Variants in GPHN observed in about 807,000 individuals in gnomAD.
GPHN encodes gephyrin.
Under a neutral mutation model 95.5 loss-of-function variants are expected in GPHN, and 17 were observed. The ratio of observed to expected loss-of-function variants is 0.18; its 90% confidence interval spans 0.12 to 0.27. GPHN has a LOEUF of 0.27. GPHN is among the 10% of genes least tolerant of loss of function. The pLI is 1.00. For synonymous variants in GPHN, 320 were observed against 322.5 expected (o/e 0.99, Z 0.08); for missense variants, 660 against 978.1 (o/e 0.67, Z 4.34).
chr14:67,123,707 T>C (rs2079135113), intron 17 of GPHN, among the ~76,000 whole-genome samples: 1 of 152,224 alleles, frequency 6.6e-6, no homozygotes, highest in Non-Finnish European at 1.5e-5. Context: ...ATTAAGCTTC[T>C]CCAACCCGTG....
chr14:66,681,046 A>G (rs1360476258), intron 1 of GPHN, 61 bp from the exon 2 acceptor site: 4 of 967,374 alleles, frequency 4.1e-6, no homozygotes, highest in Non-Finnish European at 5.0e-6. Flanking sequence ...TTGGTCAGCA[A>G]TAGCTTAAAT....
At chr14:67,165,291 C>A in intron 20 of GPHN, 65 bp downstream of exon 20, 1 of 980,522 alleles carries the variant, frequency 1.0e-6, no homozygotes, top group Non-Finnish European at 1.6e-6. Flanking sequence ...TTGGACTTCT[C>A]ATGTGACCAC....
rs550673372 is a variant in GPHN at position 66,610,199 on chromosome 14, GAAT to G, written c.65-70906_65-70904del. Among the ~76,000 whole-genome samples the G allele has an allele frequency of 5.0e-3, 754 of 152,242 alleles. 7 individuals carry two copies. The highest frequency in any genetic ancestry group is 0.031 in the Middle Eastern group (9 of 294). On this transcript the variant is annotated intron_variant, in intron 1 of 22. Transcript: ENST00000478722. Reference sequence around the variant, plus strand: ...GTTTCACAGATGATGTATATTGGCAGAATATTTTTGGTGTTGTAATTTGGTCTG... The same window carrying G: ...GTTTCACAGATGATGTATATTGGCAGATTTTTGGTGTTGTAATTTGGTCTG...
chr14:66,709,578 A>C (rs1289354216), intron 2 of GPHN: 2 of 332,830 alleles, frequency 6.0e-6, no homozygotes, highest in Non-Finnish European at 6.1e-6. Flanking sequence ...TCAGACTGGC[A>C]CATAATTTAA....
the GPHN span, among the ~76,000 whole-genome samples, chr14:67,546,575 A>G: frequency 1.3e-5 from 2 of 152,148 alleles, no homozygotes; most frequent in African/African-American, 4.8e-5. Flanking sequence ...TTTTTGGTAG[A>G]GATGGAGTTT....
intron 1 of GPHN, among the ~76,000 whole-genome samples, chr14:66,517,394 A>G (rs1011518297): frequency 6.6e-5 from 10 of 152,194 alleles, no homozygotes; most frequent in Admixed American, 6.5e-5. Context: ...AGTCCTATCA[A>G]TGACATTCTA....
the GPHN span, among the ~76,000 whole-genome samples, chr14:67,381,182 G>A: frequency 6.6e-6 from 1 of 152,106 alleles, no homozygotes; most frequent in Non-Finnish European, 1.5e-5. Flanking sequence ...GCTGGGTAAT[G>A]TTTCATAGAA....
chr14:67,661,276 A>T, the GPHN span, among the ~76,000 whole-genome samples: 1 of 92,370 alleles, frequency 1.1e-5, no homozygotes, highest in Non-Finnish European at 2.5e-5. Context: ...ATAGGGCTAG[A>T]GCAAAAAAAA....
chr14:66,575,906 A>G (rs549440230), intron 1 of GPHN, among the ~76,000 whole-genome samples: 17 of 151,976 alleles, frequency 1.1e-4, no homozygotes, highest in Non-Finnish European at 1.8e-4. Context: ...CTGGCTGGAC[A>G]CTGGGGCAGG....
intron 19 of GPHN, among the ~76,000 whole-genome samples, chr14:67,161,787 A>T (rs2081995104): frequency 6.6e-6 from 1 of 152,172 alleles, no homozygotes; most frequent in Admixed American, 6.5e-5. Flanking sequence ...CTATTTGCAG[A>T]GGGAAAGAAG....
At chr14:66,876,678 C>G (rs966764775) in intron 4 of GPHN, among the ~76,000 whole-genome samples, 1 of 151,802 alleles carries the variant, frequency 6.6e-6, no homozygotes, top group Non-Finnish European at 1.5e-5. Flanking sequence ...ACATACACCC[C>G]CCCAAGACTA....
the GPHN span, among the ~76,000 whole-genome samples, chr14:67,418,071 T>G: frequency 6.6e-6 from 1 of 151,784 alleles, no homozygotes; most frequent in Non-Finnish European, 1.5e-5. Context: ...AGCTGGGGAG[T>G]GGGTAGAGTA....
the GPHN span, among the ~76,000 whole-genome samples, chr14:67,452,253 G>T: frequency 6.6e-6 from 1 of 151,384 alleles, no homozygotes; most frequent in African/African-American, 2.4e-5. Flanking sequence ...AACCCGGAAG[G>T]CAGAGGTTGT....
At chr14:67,242,480 TTAC>T in the GPHN span, among the ~76,000 whole-genome samples, 1 of 152,260 alleles carries the variant, frequency 6.6e-6, no homozygotes, top group Non-Finnish European at 1.5e-5. Flanking sequence ...TAATGATAGT[TTAC>T]TAATTATGCT....
intron 10 of GPHN, among the ~76,000 whole-genome samples, chr14:67,057,963 T>C (rs1015427399): frequency 2.0e-5 from 3 of 152,194 alleles, no homozygotes; most frequent in African/African-American, 7.2e-5. Flanking sequence ...TCTCAGAAAC[T>C]AAACATATTT....
chr14:67,735,101 G>T, the GPHN span: 26 of 761,090 alleles, frequency 3.4e-5, no homozygotes, highest in African/African-American at 1.4e-4. Flanking sequence ...GAGCAGCAAA[G>T]AATGCAAAAG....
chr14:66,793,135 TGTTTATGGCCAGTTTTGGGGCCA>T (rs2060034524), intron 3 of GPHN, among the ~76,000 whole-genome samples: 1 of 152,270 alleles, frequency 6.6e-6, no homozygotes, highest in Non-Finnish European at 1.5e-5. Context: ...GCAGAGATTT[TGTTTATGGCCAGTTTTGGGGCCA>T]GTTTATGGCC....
the GPHN span, among the ~76,000 whole-genome samples, chr14:67,495,214 T>G: frequency 1.3e-5 from 2 of 152,164 alleles, no homozygotes; most frequent in Admixed American, 6.5e-5. Flanking sequence ...ATTCCAGCTC[T>G]GGGGTTTCCG....
intron 1 of GPHN, among the ~76,000 whole-genome samples, chr14:66,511,800 A>G (rs867502653): frequency 6.6e-5 from 10 of 152,148 alleles, no homozygotes; most frequent in Admixed American, 2.0e-4. Context: ...CTTGAAAATG[A>G]GATTATGATA....
Sources: gnomAD v4.1 joint callset for allele counts (sites outside exome capture counted in the v4.1 genomes callset) on GRCh38, gnomAD v4.1.1 for gene constraint, MANE v1.5 for transcripts, NCBI Gene and HGNC (gene_info 2026-07-23, HGNC 2026-07-21) for gene names.